CELF2: variants seen among roughly 807,000 people sequenced by gnomAD.
The protein encoded by CELF2 is CUG triplet repeat RNA-binding protein 2.
A neutral mutation model predicts 62.6 loss-of-function variants in CELF2; 8 were observed. That is an observed-to-expected ratio of 0.13 (90% CI 0.07 to 0.23). The LOEUF is 0.23. Among genes scored for constraint, CELF2 ranks in the 10% least tolerant of loss-of-function variants. CELF2 has a pLI of 1.00. For synonymous variants in CELF2, 258 were observed against 250.0 expected (o/e 1.03, Z -0.30); for missense variants, 333 against 671.0 (o/e 0.50, Z 5.56).
chr10:11,326,909 T>C (rs1167769619), intron 12 of CELF2, among the ~76,000 whole-genome samples: 2 of 152,128 alleles, frequency 1.3e-5, no homozygotes, highest in African/African-American at 4.8e-5. Flanking sequence ...TAAAGGAAAG[T>C]AGCAAAGGGA....
At chr10:10,703,822 C>A in the CELF2 span, among the ~76,000 whole-genome samples, 1 of 152,316 alleles carries the variant, frequency 6.6e-6, no homozygotes. Flanking sequence ...GGGAGAATTG[C>A]ATGTAACTAA....
At chr10:10,641,787 A>C in the CELF2 span, among the ~76,000 whole-genome samples, 3 of 152,294 alleles carry the variant, frequency 2.0e-5, no homozygotes, top group South Asian at 6.2e-4. Context: ...TGACTAATTC[A>C]GTTTGCTCTT....
At chr10:11,052,311 G>A (rs111918229) in intron 1 of CELF2, among the ~76,000 whole-genome samples, 2,545 of 152,276 alleles carry the variant, frequency 0.017, 82 homozygotes, top group African/African-American at 0.058. Context: ...AACCAGTAGA[G>A]ATCATTACCT....
intron 2 of CELF2, among the ~76,000 whole-genome samples, chr10:11,196,277 G>T (rs1445464087): frequency 6.6e-6 from 1 of 152,262 alleles, no homozygotes; most frequent in Non-Finnish European, 1.5e-5. Flanking sequence ...AGGCAGCTTA[G>T]CTCCTGCTGT....
intron 2 of CELF2, among the ~76,000 whole-genome samples, chr10:11,208,133 T>A (rs150057905): frequency 1.3e-5 from 2 of 152,096 alleles, no homozygotes; most frequent in Non-Finnish European, 2.9e-5. Flanking sequence ...TGGTGTGACT[T>A]GGGGGCAGCC....
chr10:10,724,763 T>C, the CELF2 span, among the ~76,000 whole-genome samples: 1 of 152,196 alleles, frequency 6.6e-6, no homozygotes, highest in African/African-American at 2.4e-5. Flanking sequence ...GGACTAATTT[T>C]CTATCCTATC....
chr10:10,902,747 T>G (rs1184651982), intron 1 of CELF2, among the ~76,000 whole-genome samples: 1 of 151,634 alleles, frequency 6.6e-6, no homozygotes, highest in African/African-American at 2.4e-5. Context: ...ATCTGTCAGT[T>G]ACACCTTAGT....
intron 1 of CELF2, among the ~76,000 whole-genome samples, chr10:11,144,273 T>G (rs1161912337): frequency 6.6e-6 from 1 of 152,206 alleles, no homozygotes; most frequent in Non-Finnish European, 1.5e-5. Context: ...TTGCTCATAA[T>G]GATTTATGTA....
rs1433267552 is a variant in CELF2, at chr10:11,220,044, C to A, written c.354+2537C>A. Among the ~76,000 whole-genome samples the A allele has an allele frequency of 6.6e-6, 1 of 152,116 alleles. No homozygotes were observed. Among genetic ancestry groups the A allele is most frequent in the Non-Finnish European group, 1.5e-5 (1 of 68,020 alleles). ...AATAAGAAATTAATGATGCACTTTGCCATATGCCTTCAATTTCTTTCTGAA... is the reference window on the plus strand; with the variant it reads ...AATAAGAAATTAATGATGCACTTTGACATATGCCTTCAATTTCTTTCTGAA... On this transcript the variant is annotated intron_variant, in intron 3 of 12. Coordinates refer to ENST00000633077, the MANE Select transcript of CELF2 (RefSeq NM_001326342.2). The surrounding 1 kb of genome is among the most constrained non-coding windows in gnomAD (Gnocchi z 4.4).
chr10:10,994,725 C>T (rs1158304293), intron 2 of CELF2, among the ~76,000 whole-genome samples: 1 of 151,230 alleles, frequency 6.6e-6, no homozygotes, highest in Non-Finnish European at 1.5e-5. Context: ...TCATTCCCCC[C>T]TCCCACCCCC....
chr10:10,731,370 A>G, the CELF2 span, among the ~76,000 whole-genome samples: 3 of 152,172 alleles, frequency 2.0e-5, no homozygotes, highest in Admixed American at 1.3e-4. Flanking sequence ...CAGGTAGAGT[A>G]TTGTTTTCTT....
intron 1 of CELF2, among the ~76,000 whole-genome samples, chr10:11,087,189 C>G (rs909095844): frequency 6.6e-6 from 1 of 152,116 alleles, no homozygotes; most frequent in East Asian, 1.9e-4. Context: ...TGTTATCTTC[C>G]CAGGGTTTAT....
At chr10:11,326,657 C>T (rs146866404) in intron 12 of CELF2, among the ~76,000 whole-genome samples, 192 of 152,274 alleles carry the variant, frequency 1.3e-3, no homozygotes, top group African/African-American at 4.5e-3. Context: ...TACACCAGGA[C>T]AATAGCATTC....
chr10:11,123,206 T>C (rs1365443184), intron 1 of CELF2, among the ~76,000 whole-genome samples: 2 of 152,140 alleles, frequency 1.3e-5, no homozygotes, highest in Non-Finnish European at 2.9e-5. Flanking sequence ...ACAAGCACAC[T>C]GTTTGGAGGT....
chr10:10,940,530 G>T (rs1342386641), intron 2 of CELF2, among the ~76,000 whole-genome samples: 1 of 152,190 alleles, frequency 6.6e-6, no homozygotes, highest in Admixed American at 6.5e-5. Flanking sequence ...AAGAGGTTCT[G>T]TGTCACACAA....
the CELF2 span, among the ~76,000 whole-genome samples, chr10:10,693,494 C>A: frequency 5.9e-5 from 9 of 151,658 alleles, no homozygotes; most frequent in Middle Eastern, 3.2e-3. Context: ...TGTCTCTGCC[C>A]GGCTTTGGTA....
chr10:10,543,136 C>T, the CELF2 span, among the ~76,000 whole-genome samples: 10 of 152,232 alleles, frequency 6.6e-5, no homozygotes, highest in Non-Finnish European at 1.2e-4. Flanking sequence ...TGTTGGGTCC[C>T]CTGGTGCTGA....
At chr10:11,126,389 G>C (rs2058705015) in intron 1 of CELF2, among the ~76,000 whole-genome samples, 1 of 152,146 alleles carries the variant, frequency 6.6e-6, no homozygotes, top group African/African-American at 2.4e-5. Context: ...GTGGACTATA[G>C]TATTAAGCAA....
At chr10:10,860,671 A>G (rs991076663) in intron 1 of CELF2, among the ~76,000 whole-genome samples, 1 of 152,216 alleles carries the variant, frequency 6.6e-6, no homozygotes, top group Non-Finnish European at 1.5e-5. Flanking sequence ...ATTGAGCAGC[A>G]CTCAGAACCA....
Sources: allele counts gnomAD v4.1 joint callset (sites outside exome capture counted in the v4.1 genomes callset), GRCh38; gene constraint gnomAD v4.1.1; non-coding constraint Gnocchi (gnomAD v3.1); transcripts MANE v1.5; gene names NCBI Gene and HGNC (gene_info 2026-07-23, HGNC 2026-07-21).